GTF3C1: variants seen among roughly 807,000 people sequenced by gnomAD.
GTF3C1 encodes the protein general transcription factor 3C polypeptide 1.
A neutral mutation model predicts 226.7 loss-of-function variants in GTF3C1; 57 were observed. The observed-to-expected ratio is 0.25, with a 90% CI of 0.20 to 0.31. GTF3C1 has a LOEUF of 0.31. GTF3C1 is among the 10% of genes least tolerant of loss of function. GTF3C1 has a pLI of 1.00. For synonymous variants in GTF3C1, 1,090 were observed against 1,084.8 expected, an observed-to-expected ratio of 1.00 and a Z score of -0.09; for missense variants, 2,217 against 2,776.1, an observed-to-expected ratio of 0.80 and a Z score of 4.53.
intron 23 of GTF3C1, among the ~76,000 whole-genome samples, chr16:27,487,975 TA>T (rs1298360086): frequency 6.6e-6 from 1 of 152,120 alleles, no homozygotes; most frequent in African/African-American, 2.4e-5. Flanking sequence ...AATGAGTTCC[TA>T]AAGTCAGAAG....
chr16:27,534,905 ATTG>A (rs1473831555), intron 4 of GTF3C1, among the ~76,000 whole-genome samples: 7 of 151,918 alleles, frequency 4.6e-5, no homozygotes, highest in Non-Finnish European at 1.0e-4. Flanking sequence ...ATATATTAGA[ATTG>A]TTGGAGATTT....
intron 5 of GTF3C1, among the ~76,000 whole-genome samples, chr16:27,532,645 C>G (rs575259231): frequency 4.6e-5 from 7 of 152,278 alleles, no homozygotes; most frequent in South Asian, 4.2e-4. Context: ...CTCCCCTCCC[C>G]CTCAGGACAG....
At chr16:27,530,432 G>A (rs1003088485) in intron 5 of GTF3C1, among the ~76,000 whole-genome samples, 1 of 152,118 alleles carries the variant, frequency 6.6e-6, no homozygotes. Flanking sequence ...TGCCTTCTGA[G>A]GGGCTGCCAT....
intron 20 of GTF3C1, 127 bp from the exon 21 acceptor site, chr16:27,489,305 G>T: frequency 9.6e-7 from 1 of 1,041,628 alleles, no homozygotes; most frequent in Non-Finnish European, 1.4e-6. Flanking sequence ...CACCCCACAG[G>T]TAGCAATGAA....
rs2141334851 is a variant in GTF3C1, at chr16:27,461,621, T to A, written c.6118-59A>T. 5.4e-6 allele frequency: 7 copies of A among 1,296,262 alleles called. No individual in the cohort carries two copies. The highest frequency in any genetic ancestry group is 7.8e-6 in the Non-Finnish European group (7 of 901,408). 80.3% of individuals were successfully genotyped at this position (1,296,262 alleles called of 1,614,324 possible). On this transcript the variant is annotated intron_variant, in intron 36 of 36. Coordinates refer to ENST00000356183, the MANE Select transcript of GTF3C1 (RefSeq NM_001520.4). The surrounding 1 kb of genome is among the most constrained non-coding windows in gnomAD (Gnocchi z 5.3). The stretch of plus-strand genomic sequence containing the variant: ...CTGCCCTCGCCTGCTTGTTGATTTA[T>A]TCTTCAAGCATTTATGGAATGCCCC...
chr16:27,522,578 T>C (rs1178762060), intron 6 of GTF3C1, among the ~76,000 whole-genome samples: 18 of 152,246 alleles, frequency 1.2e-4, no homozygotes, highest in Admixed American at 1.2e-3. Context: ...TTGTTTTAGC[T>C]CTCTGGGTCC....
intron 1 of GTF3C1, among the ~76,000 whole-genome samples, chr16:27,548,883 G>A (rs2089214027): frequency 2.6e-5 from 4 of 152,232 alleles, no homozygotes; most frequent in African/African-American, 2.4e-5. Flanking sequence ...GCCGGGCGCC[G>A]TGGCTCACGC....
At chr16:27,485,293 A>G (rs1167272471) in intron 24 of GTF3C1, among the ~76,000 whole-genome samples, 1 of 152,256 alleles carries the variant, frequency 6.6e-6, no homozygotes. Context: ...TTGTGGCACT[A>G]CTGCCTGGAA....
intron 14 of GTF3C1, among the ~76,000 whole-genome samples, chr16:27,496,876 A>G (rs79043710): frequency 0.012 from 1,809 of 152,304 alleles, 32 homozygotes; most frequent in African/African-American, 0.041. Flanking sequence ...GGTCCATTCG[A>G]GTGCAAATGC....
At chr16:27,538,018 A>G in intron 3 of GTF3C1, 91 bp from the exon 4 acceptor site, 1 of 1,431,614 alleles carries the variant, frequency 7.0e-7, no homozygotes, top group Non-Finnish European at 9.6e-7. Context: ...CCAGAGACAC[A>G]AACCTCCTGT....
In GTF3C1 at chr16:27,494,913, GA is replaced by G. The variant is rs758132113; in HGVS notation, c.2633-6del. 24 of 1,611,148 alleles carry G rather than the reference GA, an allele frequency of 1.5e-5. No individual in the cohort carries two copies. The South Asian group carries it at 2.4e-4, about 16-fold the overall frequency. ...ACGAGGCATCGTCGACATACACTAG[GA>G]AAAAAACGCACGGTTACCCCCGGCA... On this transcript the variant is annotated splice_region_variant and splice_polypyrimidine_tract_variant and intron_variant, in intron 15 of 36. Transcript: ENST00000356183.
chr16:27,472,651 C>T (rs1446203778), intron 29 of GTF3C1, among the ~76,000 whole-genome samples: 3 of 152,232 alleles, frequency 2.0e-5, no homozygotes, highest in Admixed American at 6.5e-5. Context: ...GCCCTCCAGC[C>T]TCCTGGACCT....
chr16:27,469,222 C>T lies in GTF3C1; in HGVS notation c.5074+69G>A. On this transcript the variant is annotated intron_variant, in intron 32 of 36. Coordinates refer to ENST00000356183, the MANE Select transcript of GTF3C1 (RefSeq NM_001520.4). The surrounding 1 kb of genome is among the most constrained non-coding windows in gnomAD (Gnocchi z 4.5). ...GGAGCCTGAAGGTCTAGGTCCCAGG[C>T]CAGGCCTCAGGGTCTTCCTGGATGA... The T allele has an allele frequency of 1.4e-6, 2 of 1,472,772 alleles. No homozygotes were observed. The highest frequency in any genetic ancestry group is 1.8e-6 in the Non-Finnish European group (2 of 1,096,502). 91.2% of individuals were successfully genotyped at this position (1,472,772 alleles called of 1,614,324 possible).
At position 27,508,640 on chromosome 16, in the gene GTF3C1, G is replaced by A. The variant is rs1286586732; in HGVS notation, c.1142C>T (p.Thr381Met). ...GATTTCAGCTTGGGAAATTCCTTTC[G>A]TGCCTCTGCGCTCAACTGTGAGAAA... Reference protein sequence around the residue: ...QTYDLIERRGTKGISQAEIRV... With the variant: ...QTYDLIERRGMKGISQAEIRV... Residue 381 changes from threonine (T) to methionine (M), a missense_variant, in exon 8 of 37, where the codon ACG (threonine) becomes ATG (methionine). This residue lies in a region of GTF3C1 where 163 missense variants were observed against 234.3 expected (regional missense o/e 0.70). Transcript: ENST00000356183. The A allele has an allele frequency of 9.3e-6, 15 of 1,613,788 alleles. No homozygotes were observed. Among genetic ancestry groups the A allele is most frequent in the Non-Finnish European group, 1.3e-5 (15 of 1,179,696 alleles).
chr16:27,494,622 T>A, intron 16 of GTF3C1, 141 bp downstream of exon 16: 1 of 622,252 alleles, frequency 1.6e-6, no homozygotes, highest in Non-Finnish European at 2.9e-6. Flanking sequence ...TGAATGAGCA[T>A]CTGCCTATCC....
chr16:27,529,697 G>A (rs1217532079), intron 5 of GTF3C1, among the ~76,000 whole-genome samples: 2 of 152,114 alleles, frequency 1.3e-5, no homozygotes, highest in Admixed American at 1.3e-4. Flanking sequence ...CATTAAAAAA[G>A]ACCTAGATTC....
At chr16:27,466,719 T>C (rs1486256520) in intron 32 of GTF3C1, among the ~76,000 whole-genome samples, 1 of 152,188 alleles carries the variant, frequency 6.6e-6, no homozygotes, top group Non-Finnish European at 1.5e-5. Flanking sequence ...GAAAAGTTCT[T>C]GAAGGAAATT....
At position 27,462,803 on chromosome 16, in the gene GTF3C1, C is replaced by G; in HGVS notation, c.5925-317G>C. 1 of 342,104 alleles carries G rather than the reference C, an allele frequency of 2.9e-6. No homozygotes were observed. Among genetic ancestry groups the G allele is most frequent in the Admixed American group, 4.0e-5 (1 of 25,030 alleles). 21.2% of individuals were successfully genotyped at this position (342,104 alleles called of 1,614,324 possible). On this transcript the variant is annotated intron_variant, in intron 35 of 36. Coordinates refer to ENST00000356183, the MANE Select transcript of GTF3C1 (RefSeq NM_001520.4). The surrounding 1 kb of genome is among the most constrained non-coding windows in gnomAD (Gnocchi z 4.5). ...TGGACTTGCCAGCTCTACTGGCAGC[C>G]CAGGCAGAAACCACCTCCAGGCTGT...
intron 6 of GTF3C1, among the ~76,000 whole-genome samples, chr16:27,513,955 C>T (rs116751515): frequency 0.012 from 1,790 of 152,278 alleles, 46 homozygotes; most frequent in African/African-American, 0.041. Flanking sequence ...GCCCAACCAC[C>T]TCCACTCAAG....
Sources: gnomAD v4.1 joint callset for allele counts (sites outside exome capture counted in the v4.1 genomes callset) on GRCh38, gnomAD v4.1.1 for gene constraint, gnomAD v4.1.1 regional missense constraint, Gnocchi (gnomAD v3.1) non-coding constraint, MANE v1.5 for transcripts, NCBI Gene and HGNC (gene_info 2026-07-23, HGNC 2026-07-21) for gene names.